The following PCED1B variants were observed in gnomAD, a reference collection of about 807,000 sequenced individuals.
The protein encoded by PCED1B is PC-esterase domain-containing protein 1B.
For missense variants in PCED1B, 573 were observed against 573.9 expected, an observed-to-expected ratio of 1.00 and a Z score of 0.02; for synonymous variants, 251 against 246.1, an observed-to-expected ratio of 1.02 and a Z score of -0.19.
At chr12:47,225,554 G>A (rs183299599) in intron 3 of PCED1B, among the ~76,000 whole-genome samples, 22 of 152,286 alleles carry the variant, frequency 1.4e-4, no homozygotes, top group African/African-American at 5.3e-4. Context: ...CTAAGCAAAT[G>A]CTGACATAGA....
At chr12:47,130,225 A>C (rs1525447) in intron 2 of PCED1B, among the ~76,000 whole-genome samples, 2 of 152,086 alleles carry the variant, frequency 1.3e-5, no homozygotes, top group Non-Finnish European at 2.9e-5. Flanking sequence ...TAAAATAAAA[A>C]GTCACTTAAT....
intron 2 of PCED1B, among the ~76,000 whole-genome samples, chr12:47,147,988 A>C (rs959599270): frequency 6.6e-6 from 1 of 152,226 alleles, no homozygotes; most frequent in Non-Finnish European, 1.5e-5. Flanking sequence ...CCACAGGCCC[A>C]GTAATTTATA....
intron 2 of PCED1B, among the ~76,000 whole-genome samples, chr12:47,200,537 C>CT (rs1942732074): frequency 6.6e-6 from 1 of 152,170 alleles, no homozygotes; most frequent in Non-Finnish European, 1.5e-5. Flanking sequence ...AGATTGGCAG[C>CT]TTTTACAAAG....
At chr12:47,106,164 G>A (rs929934632) in intron 2 of PCED1B, among the ~76,000 whole-genome samples, 6 of 151,782 alleles carry the variant, frequency 4.0e-5, no homozygotes, top group African/African-American at 1.5e-4. Context: ...TTTCTGCTTG[G>A]CCACAAGAGT....
chr12:47,178,637 G>T (rs532649310), intron 2 of PCED1B, among the ~76,000 whole-genome samples: 1 of 152,142 alleles, frequency 6.6e-6, no homozygotes, highest in Non-Finnish European at 1.5e-5. Flanking sequence ...GGGAGGCTGA[G>T]GTGGGCAAAT....
chr12:47,117,304 C>T (rs1046306051), intron 2 of PCED1B, among the ~76,000 whole-genome samples: 9 of 152,076 alleles, frequency 5.9e-5, no homozygotes, highest in Non-Finnish European at 1.0e-4. Context: ...CCCATTAACT[C>T]GTCATTTACA....
intron 2 of PCED1B, among the ~76,000 whole-genome samples, chr12:47,159,053 T>C (rs1440992949): frequency 4.0e-5 from 6 of 151,274 alleles, no homozygotes; most frequent in Non-Finnish European, 7.4e-5. Flanking sequence ...ATTCCATTCA[T>C]ATTGCTGCAA....
At chr12:47,146,150 A>C (rs1375776102) in intron 2 of PCED1B, among the ~76,000 whole-genome samples, 1 of 152,238 alleles carries the variant, frequency 6.6e-6, no homozygotes, top group Non-Finnish European at 1.5e-5. Context: ...AAGTAACTGC[A>C]GATGTAGCGC....
intron 3 of PCED1B, among the ~76,000 whole-genome samples, chr12:47,222,917 T>C (rs1421863416): frequency 6.6e-6 from 1 of 152,096 alleles, no homozygotes; most frequent in Non-Finnish European, 1.5e-5. Flanking sequence ...CTTAAGGGTT[T>C]GGGGTGCTAC....
At chr12:47,224,132 T>C (rs921775353) in intron 3 of PCED1B, 23 of 152,240 alleles carry the variant, frequency 1.5e-4, no homozygotes, top group African/African-American at 5.5e-4. Context: ...AGGTTTACTA[T>C]AGACTGTACA....
intron 2 of PCED1B, among the ~76,000 whole-genome samples, chr12:47,198,461 G>A (rs1287387677): frequency 6.6e-6 from 1 of 151,998 alleles, no homozygotes; most frequent in East Asian, 1.9e-4. Flanking sequence ...TTAATCTTAG[G>A]AAACTAGATT....
intron 1 of PCED1B, among the ~76,000 whole-genome samples, chr12:47,080,774 C>G (rs1292402834): frequency 1.3e-5 from 2 of 151,964 alleles, no homozygotes; most frequent in African/African-American, 4.8e-5. Context: ...TCTTTTTTCT[C>G]TCTTCTCCTT....
At chr12:47,118,540 A>G (rs983656428) in intron 2 of PCED1B, among the ~76,000 whole-genome samples, 3 of 152,160 alleles carry the variant, frequency 2.0e-5, no homozygotes, top group African/African-American at 7.2e-5. Flanking sequence ...GTTCTGTTCC[A>G]TTGGTCTATA....
intron 2 of PCED1B, among the ~76,000 whole-genome samples, chr12:47,182,828 GCC>G (rs1942138258): frequency 6.6e-6 from 1 of 152,054 alleles, no homozygotes; most frequent in Admixed American, 6.6e-5. Flanking sequence ...ACACCATACT[GCC>G]TTAAGAGCAG....
intron 2 of PCED1B, among the ~76,000 whole-genome samples, chr12:47,150,298 G>A (rs565546967): frequency 3.9e-5 from 6 of 152,138 alleles, no homozygotes; most frequent in African/African-American, 9.6e-5. Flanking sequence ...GAAATAGGCC[G>A]GGCGCGGTGG....
At chr12:47,152,330 C>T (rs1442935782) in intron 2 of PCED1B, among the ~76,000 whole-genome samples, 1 of 152,176 alleles carries the variant, frequency 6.6e-6, no homozygotes, top group Admixed American at 6.5e-5. Flanking sequence ...TGACATCACA[C>T]ACCTCCTGAG....
At chr12:47,219,900 T>G (rs1943419383) in intron 3 of PCED1B, among the ~76,000 whole-genome samples, 1 of 152,044 alleles carries the variant, frequency 6.6e-6, no homozygotes, top group Non-Finnish European at 1.5e-5. Flanking sequence ...TAAGCTTATC[T>G]AATTATTCAG....
At chr12:47,110,345 G>T (rs116833461) in intron 2 of PCED1B, among the ~76,000 whole-genome samples, 1 of 151,548 alleles carries the variant, frequency 6.6e-6, no homozygotes, top group African/African-American at 2.4e-5. Flanking sequence ...AGAGGAAAGC[G>T]CAATAGGGTT....
At chr12:47,190,410 AC>A (rs1174626381) in intron 2 of PCED1B, among the ~76,000 whole-genome samples, 1 of 152,032 alleles carries the variant, frequency 6.6e-6, no homozygotes, top group Non-Finnish European at 1.5e-5. Context: ...CCATGCATTC[AC>A]TTTGGTCGCC....
Sources: gnomAD v4.1 joint callset for allele counts (sites outside exome capture counted in the v4.1 genomes callset) on GRCh38, gnomAD v4.1.1 for gene constraint, MANE v1.5 for transcripts, NCBI Gene and HGNC (gene_info 2026-07-23, HGNC 2026-07-21) for gene names.